The following CFAP92 variants were observed in gnomAD, a reference collection of about 807,000 sequenced individuals.
CFAP92 encodes the protein cilia and flagella associated protein 92 (putative), also known as uncharacterized protein CFAP92.
CFAP92 carries 86 observed loss-of-function variants against 106.3 expected under a neutral mutation model. The observed-to-expected ratio is 0.81, with a 90% CI of 0.68 to 0.97. CFAP92 has a LOEUF of 0.97. CFAP92 is among the 50% of genes least tolerant of loss of function. The pLI is 0.00. For missense variants in CFAP92, 1,204 were observed against 1,283.8 expected, an observed-to-expected ratio of 0.94 and a Z score of 0.95; for synonymous variants, 477 against 506.4, an observed-to-expected ratio of 0.94 and a Z score of 0.78.
intron 6 of CFAP92, among the ~76,000 whole-genome samples, chr3:128,976,167 C>G (rs981979766): frequency 2.0e-5 from 3 of 152,102 alleles, no homozygotes; most frequent in Non-Finnish European, 2.9e-5. Context: ...TGCTGACACA[C>G]TTGGTCTGCA....
intron 10 of CFAP92, among the ~76,000 whole-genome samples, chr3:128,944,227 C>T (rs973926345): frequency 6.6e-6 from 1 of 152,212 alleles, no homozygotes; most frequent in African/African-American, 2.4e-5. Context: ...GCTACTGCAC[C>T]TGGCCTGTTT....
At chr3:128,968,730 T>C (rs1021387688) in intron 8 of CFAP92, 2 of 152,362 alleles carry the variant, frequency 1.3e-5, no homozygotes, top group African/African-American at 4.8e-5. Context: ...GGCTGAGCCA[T>C]GATCAAAGTG....
chr3:129,003,991 C>T (rs755150706), upstream of CFAP92: 9 of 1,500,298 alleles, frequency 6.0e-6, no homozygotes, highest in African/African-American at 8.7e-5. Flanking sequence ...GCCTGCACCG[C>T]GTGCGAGAGC....
At chr3:128,930,308 G>GGGAA (rs2107701335) in intron 12 of CFAP92, among the ~76,000 whole-genome samples, 1 of 151,952 alleles carries the variant, frequency 6.6e-6, no homozygotes, top group East Asian at 2.0e-4. Flanking sequence ...CCGCCACCAC[G>GGGAA]CCCAGCTAAT....
chr3:129,010,121 G>T, the CFAP92 span, among the ~76,000 whole-genome samples: 1 of 152,232 alleles, frequency 6.6e-6, no homozygotes, highest in Non-Finnish European at 1.5e-5. This position sits in a 1 kb window ranked among gnomAD's most constrained non-coding sequence, Gnocchi z 4.3. Flanking sequence ...AGGGCGTAAC[G>T]CCTGGGACTT....
rs761891057 is a variant in CFAP92, at chr3:128,987,676, T to C, written c.607A>G (p.Arg203Gly). The C allele has an allele frequency of 6.2e-7, 1 of 1,614,074 alleles. No individual in the cohort carries two copies. Among genetic ancestry groups the C allele is most frequent in the South Asian group, 1.1e-5 (1 of 91,084 alleles). Residue 203 changes from arginine (R) to glycine (G), a missense_variant, in exon 4 of 16, where the codon AGA (arginine) becomes GGA (glycine). Physicochemically the swap from Arg to Gly is moderately radical, Grantham distance 125. Coordinates refer to ENST00000645291, the MANE Select transcript of CFAP92 (RefSeq NM_001394090.1). ...NTKDKMSRKV[R>G]YYRLKTAGFT... ...CCGGCAGTCTTTAATCGGTAATATCTGACTTTTCTTGACATCTTGTCTTTA... is the reference window on the plus strand; with the variant it reads ...CCGGCAGTCTTTAATCGGTAATATCCGACTTTTCTTGACATCTTGTCTTTA...
intron 12 of CFAP92, among the ~76,000 whole-genome samples, chr3:128,924,621 T>A (rs1387540299): frequency 2.6e-5 from 4 of 151,172 alleles, no homozygotes; most frequent in African/African-American, 7.3e-5. Context: ...ATTTTGTATT[T>A]TTTTTAGCAC....
At chr3:128,930,913 T>TA (rs1480799852) in intron 12 of CFAP92, among the ~76,000 whole-genome samples, 4 of 152,150 alleles carry the variant, frequency 2.6e-5, no homozygotes, top group African/African-American at 9.7e-5. Context: ...TTTGTTTGTT[T>TA]GTTTTTTTGA....
At chr3:128,988,339 G>A (rs1381120105) in intron 3 of CFAP92, among the ~76,000 whole-genome samples, 5 of 152,154 alleles carry the variant, frequency 3.3e-5, no homozygotes, top group Admixed American at 6.5e-5. Flanking sequence ...TCAGGAGTTC[G>A]AAGCCAGCCT....
At chr3:128,962,349 TGACA>T (rs1054734134) in intron 9 of CFAP92, among the ~76,000 whole-genome samples, 16 of 152,190 alleles carry the variant, frequency 1.1e-4, no homozygotes, top group African/African-American at 2.9e-4. Context: ...TTGTGGGTAT[TGACA>T]GACAGGCTTC....
rs1940097251 is a variant in CFAP92, at chr3:128,945,332, T to C, written c.1997A>G (p.Asp666Gly). The C allele has an allele frequency of 5.2e-6, 8 of 1,535,982 alleles. No homozygotes were observed. The highest frequency in any genetic ancestry group is 7.0e-6 in the Non-Finnish European group (8 of 1,146,884). Reference protein sequence around the residue: ...SQFGRIIFVFDFKKVSLLHSL... With the variant: ...SQFGRIIFVFGFKKVSLLHSL... ...GTGGAGCAGGGAGACCTTCTTAAAG[T>C]CAAAGACGAAGATGATGCGGCCAAA... Residue 666 changes from aspartate (D) to glycine (G), a missense_variant, in exon 10 of 16, where the codon GAC (aspartate) becomes GGC (glycine). Coordinates refer to ENST00000645291, the MANE Select transcript of CFAP92 (RefSeq NM_001394090.1).
At chr3:128,930,046 A>G (rs1938170467) in intron 12 of CFAP92, among the ~76,000 whole-genome samples, 1 of 152,188 alleles carries the variant, frequency 6.6e-6, no homozygotes, top group Admixed American at 6.5e-5. Flanking sequence ...TAGGAACATG[A>G]TTTTTTAAAA....
At chr3:128,953,237 C>T (rs569577913) in intron 9 of CFAP92, among the ~76,000 whole-genome samples, 8 of 152,256 alleles carry the variant, frequency 5.3e-5, no homozygotes, top group South Asian at 2.1e-4. Flanking sequence ...CAATCTGGGC[C>T]GGGCGCGGTG....
intron 1 of CFAP92, chr3:129,002,078 T>G: frequency 1.3e-6 from 2 of 1,531,302 alleles, no homozygotes; most frequent in Non-Finnish European, 1.8e-6. Context: ...CGCGCCTCTG[T>G]GGCTACTTCG....
chr3:128,944,931 G>C, intron 10 of CFAP92, 140 bp downstream of exon 10: 1 of 746,352 alleles, frequency 1.3e-6, no homozygotes, highest in Non-Finnish European at 2.1e-6. Context: ...ACTAAACCCT[G>C]GTAAGTACCT....
the CFAP92 span, among the ~76,000 whole-genome samples, chr3:129,011,653 C>A: frequency 2.0e-5 from 3 of 152,032 alleles, no homozygotes; most frequent in Non-Finnish European, 2.9e-5. Context: ...CCTTGAAAAG[C>A]AAGGAGGCAG....
At chr3:128,976,609 T>G (rs1576598875) in intron 6 of CFAP92, among the ~76,000 whole-genome samples, 1 of 152,152 alleles carries the variant, frequency 6.6e-6, no homozygotes, top group Non-Finnish European at 1.5e-5. Context: ...ACTGACCTCA[T>G]GCAGGATGGC....
chr3:129,005,504 T>A (rs1945033857), upstream of CFAP92, among the ~76,000 whole-genome samples: 1 of 151,996 alleles, frequency 6.6e-6, no homozygotes, highest in South Asian at 2.1e-4. Context: ...CATGAAACCA[T>A]GGAAAAGTTT....
intron 12 of CFAP92, among the ~76,000 whole-genome samples, chr3:128,927,163 G>C (rs1233983882): frequency 1.3e-5 from 2 of 152,032 alleles, no homozygotes; most frequent in African/African-American, 4.8e-5. Flanking sequence ...ATATGAGTAC[G>C]CAGCAAGATG....
Sources: allele counts gnomAD v4.1 joint callset (sites outside exome capture counted in the v4.1 genomes callset), GRCh38; gene constraint gnomAD v4.1.1; non-coding constraint Gnocchi (gnomAD v3.1); transcripts MANE v1.5; gene names NCBI Gene and HGNC (gene_info 2026-07-23, HGNC 2026-07-21).